Variants in PLA2G7 observed in about 807,000 individuals in gnomAD.
PLA2G7 encodes the protein platelet-activating factor acetylhydrolase.
Under a neutral mutation model 49.6 loss-of-function variants are expected in PLA2G7, and 63 were observed. The ratio of observed to expected loss-of-function variants is 1.27; its 90% confidence interval spans 1.04 to 1.57. The LOEUF is 1.57. Ranked by LOEUF, PLA2G7 falls within the 40% of genes most tolerant of loss-of-function variation. The pLI is 0.00. For missense variants in PLA2G7, 596 were observed against 521.2 expected (o/e 1.14, Z -1.40); for synonymous variants, 193 against 169.9 (o/e 1.14, Z -1.06).
rs748468801 is a variant in PLA2G7, at chr6:46,705,295, T to C, written c.1047A>G (p.Ser349=). The stretch of plus-strand genomic sequence containing the variant: ...TGAAGTCAGCAAAATTCTGGTGGAC[T>C]GAACCCCTAAAAGAGAACAAGACAT... ...KERKMITIRG[S]VHQNFADFTF... Residue 349 remains serine, a synonymous_variant, in exon 11 of 12, where the codon TCA becomes TCG. Transcript: ENST00000274793. 9.3e-6 allele frequency: 15 copies of C among 1,611,292 alleles called. No individual in the cohort carries two copies. Among genetic ancestry groups the C allele is most frequent in the Non-Finnish European group, 1.2e-5 (14 of 1,177,756 alleles).
chr6:46,712,421 G>A, intron 5 of PLA2G7, 84 bp from the exon 6 acceptor site: 1 of 983,174 alleles, frequency 1.0e-6, no homozygotes, highest in East Asian at 2.4e-5. Flanking sequence ...GAACATGGAG[G>A]CCATTACACC....
At chr6:46,733,283 T>G (rs2150716791) in intron 1 of PLA2G7, among the ~76,000 whole-genome samples, 1 of 152,250 alleles carries the variant, frequency 6.6e-6, no homozygotes, top group East Asian at 1.9e-4. Context: ...AGAGACACAA[T>G]GGAGAGGAAA....
At position 46,717,713 on chromosome 6, in the gene PLA2G7, TTC is replaced by T. The variant is rs1491066349; in HGVS notation, c.110-619_110-618del. Among the ~76,000 whole-genome samples the T allele has an allele frequency of 9.9e-3, 379 of 38,172 alleles. 29 individuals are homozygous for T. Among genetic ancestry groups the T allele is most frequent in the South Asian group, 0.047 (35 of 742 alleles). 25.0% of individuals were successfully genotyped at this position (38,172 alleles called of 152,430 possible). On this transcript the variant is annotated intron_variant, in intron 2 of 11. Coordinates refer to ENST00000274793, the MANE Select transcript of PLA2G7 (RefSeq NM_005084.4). Reference sequence around the variant, plus strand: ...CCTCTATTTTCTTTCTTTTTTCTTTTTCTTTTTTTTTTTTTTTGAGACAGAGT... The same window carrying T: ...CCTCTATTTTCTTTCTTTTTTCTTTTTTTTTTTTTTTTTTTGAGACAGAGT...
chr6:46,704,520 A>G lies in PLA2G7; in HGVS notation c.*40T>C. The G allele has an allele frequency of 8.5e-7, 1 of 1,180,618 alleles. No homozygotes were observed. Among genetic ancestry groups the G allele is most frequent in the Non-Finnish European group, 1.3e-6 (1 of 791,972 alleles). The allele number at this position is 1,180,618 out of a possible 1,614,324, so 73.1% of individuals were successfully genotyped here. ...CACACACACACACACATAATTTTAG[A>G]CAGTTTTGAAACAAGACTTTTAAAA... On this transcript the variant is annotated 3_prime_UTR_variant, in exon 12 of 12. Coordinates refer to ENST00000274793, the MANE Select transcript of PLA2G7 (RefSeq NM_005084.4).
At position 46,709,309 on chromosome 6, in the gene PLA2G7, A is replaced by G. The variant is rs1764931963; in HGVS notation, c.869+18T>C. ...CAATAATTTACTATTCTCTTGCTTT[A>G]CTATCTTATTTTCTTACCTGAATCT... On this transcript the variant is annotated intron_variant, in intron 9 of 11. Coordinates refer to ENST00000274793, the MANE Select transcript of PLA2G7 (RefSeq NM_005084.4). 1.5e-6 allele frequency: 2 copies of G among 1,342,476 alleles called. No individual in the cohort carries two copies. The highest frequency in any genetic ancestry group is 2.9e-5 in the African/African-American group (2 of 69,872). The allele number at this position is 1,342,476 out of a possible 1,614,324, so 83.2% of individuals were successfully genotyped here.
At chr6:46,732,540 C>T (rs1206144801) in intron 1 of PLA2G7, among the ~76,000 whole-genome samples, 5 of 152,070 alleles carry the variant, frequency 3.3e-5, no homozygotes, top group Non-Finnish European at 5.9e-5. Context: ...CAGTACCTGG[C>T]ACTTAGGATC....
Position 46,704,267 on chromosome 6 carries a change from C to G in PLA2G7, c.*293G>C, listed in dbSNP as rs1169226452. ...AAAGTAATGTAAAAACAGTTTTTAA[C>G]TTCGACACTGAAAAGGAATCATCTT... is the stretch of plus-strand genomic sequence containing the variant. On this transcript the variant is annotated 3_prime_UTR_variant, in exon 12 of 12. Coordinates refer to ENST00000274793, the MANE Select transcript of PLA2G7 (RefSeq NM_005084.4). The G allele has an allele frequency of 6.5e-6, 2 of 306,720 alleles. No individual in the cohort carries two copies. The highest frequency in any genetic ancestry group is 1.4e-4 in the East Asian group (2 of 14,758). 19.0% of individuals were successfully genotyped at this position (306,720 alleles called of 1,614,324 possible). A position where few individuals can be genotyped will look rare whatever the true frequency, so the allele number is the denominator to read the frequency against.
At chr6:46,707,716 T>C (rs1764873300) in intron 10 of PLA2G7, among the ~76,000 whole-genome samples, 1 of 152,170 alleles carries the variant, frequency 6.6e-6, no homozygotes, top group Non-Finnish European at 1.5e-5. Flanking sequence ...CAATGAAACC[T>C]CTTTTCTTTA....
At chr6:46,711,649 C>T in intron 6 of PLA2G7, 30 bp from the exon 7 acceptor site, 1 of 1,610,952 alleles carries the variant, frequency 6.2e-7, no homozygotes, top group Non-Finnish European at 8.5e-7. Context: ...ATTATTTATG[C>T]ATGCTCCTTC....
intron 11 of PLA2G7, 65 bp from the exon 12 acceptor site, chr6:46,704,761 C>G: frequency 1.0e-6 from 1 of 982,780 alleles, no homozygotes; most frequent in Non-Finnish European, 1.6e-6. Context: ...TTTGGTGCCC[C>G]TAGGTGGCAA....
intron 1 of PLA2G7, among the ~76,000 whole-genome samples, chr6:46,730,602 A>C (rs773690670): frequency 9.2e-5 from 14 of 152,306 alleles, no homozygotes; most frequent in Middle Eastern, 3.4e-3. Flanking sequence ...CCATCCAAAG[A>C]AGGCAACTAC....
At chr6:46,720,154 C>T (rs1312287526) in intron 2 of PLA2G7, among the ~76,000 whole-genome samples, 1 of 152,154 alleles carries the variant, frequency 6.6e-6, no homozygotes, top group Non-Finnish European at 1.5e-5. Context: ...GCAGGGCTTG[C>T]TGCAGGGAGA....
intron 5 of PLA2G7, 87 bp downstream of exon 5, chr6:46,714,373 C>T: frequency 1.2e-6 from 1 of 848,406 alleles, no homozygotes; most frequent in Non-Finnish European, 2.1e-6. Flanking sequence ...GCCTGCATGA[C>T]ATTCCAAACT....
chr6:46,713,298 G>C (rs1765092186), intron 5 of PLA2G7, among the ~76,000 whole-genome samples: 1 of 152,144 alleles, frequency 6.6e-6, no homozygotes, highest in African/African-American at 2.4e-5. Flanking sequence ...TTTCAAGAGG[G>C]GGGAATGATA....
chr6:46,721,239 G>C (rs561203639), intron 2 of PLA2G7, among the ~76,000 whole-genome samples: 1 of 151,678 alleles, frequency 6.6e-6, no homozygotes, highest in African/African-American at 2.4e-5. Context: ...ATATAGACGG[G>C]GTTTCACCAT....
In PLA2G7 at chr6:46,714,535, G is replaced by T; in HGVS notation, c.395C>A (p.Ala132Glu). Residue 132 changes from alanine to glutamate, a missense_variant, in exon 5 of 12, where the codon GCA becomes GAA. Physicochemically the swap from Ala to Glu is moderately radical, Grantham distance 107 (BLOSUM62 -1). Coordinates refer to ENST00000274793, the MANE Select transcript of PLA2G7 (RefSeq NM_005084.4). The part of the protein sequence containing the change: ...RLLFGSMTTP[A>E]NWNSPLRPGE... ...AGGCCTCAGAGGGGAATTCCAGTTT[G>T]CAGGAGTTGTCATTGAACCTAGACA... The T allele has an allele frequency of 6.2e-7, 1 of 1,608,228 alleles. No homozygotes were observed. Among genetic ancestry groups the T allele is most frequent in the Non-Finnish European group, 8.5e-7 (1 of 1,174,816 alleles).
At chr6:46,724,355 A>C (rs886273086) in intron 1 of PLA2G7, among the ~76,000 whole-genome samples, 1 of 152,226 alleles carries the variant, frequency 6.6e-6, no homozygotes, top group African/African-American at 2.4e-5. Flanking sequence ...CCTGGTGTAC[A>C]GAGGCACTCA....
Position 46,705,248 on chromosome 6 carries a change from A to G in PLA2G7, c.1094T>C (p.Ile365Thr). 2 of 1,611,254 alleles carry G rather than the reference A, an allele frequency of 1.2e-6. No homozygotes were observed. The highest frequency in any genetic ancestry group is 8.5e-7 in the Non-Finnish European group (1 of 1,177,538). ...ADFTFATGKI[I>T]GHMLKLKGDI... ...TCCCTTTAATTTGAGCATGTGTCCA[A>G]TTATTTTGCCAGTTGCAAAAGTGAA... Residue 365 changes from isoleucine (I) to threonine (T), a missense_variant, in exon 11 of 12, where the codon ATT becomes ACT. By Grantham distance (89) the Ile-to-Thr change is moderately conservative. Transcript: ENST00000274793.
At chr6:46,721,311 G>C (rs1038225713) in intron 2 of PLA2G7, among the ~76,000 whole-genome samples, 3 of 151,848 alleles carry the variant, frequency 2.0e-5, no homozygotes, top group Non-Finnish European at 2.9e-5. Context: ...GCCTCCCAAA[G>C]TGCTCAGATT....
Sources: allele counts gnomAD v4.1 joint callset (sites outside exome capture counted in the v4.1 genomes callset), GRCh38; gene constraint gnomAD v4.1.1; transcripts MANE v1.5; gene names NCBI Gene and HGNC (gene_info 2026-07-23, HGNC 2026-07-21).